Variants in DISC1 observed in about 807,000 individuals in gnomAD.
DISC1 encodes disrupted in schizophrenia 1 protein.
A neutral mutation model predicts 84.5 loss-of-function variants in DISC1; 57 were observed. The ratio of observed to expected loss-of-function variants is 0.67; its 90% CI spans 0.55 to 0.84. The LOEUF is 0.84. DISC1 is among the 40% of genes least tolerant of loss of function. DISC1 has a pLI of 0.00. For missense variants in DISC1, 1,000 were observed against 1,057.8 expected (o/e 0.95, Z 0.76); for synonymous variants, 411 against 415.2 (o/e 0.99, Z 0.12).
At chr1:231,643,166 C>G (rs997354593) in intron 1 of DISC1, among the ~76,000 whole-genome samples, 3 of 152,078 alleles carry the variant, frequency 2.0e-5, no homozygotes, top group African/African-American at 7.2e-5. Flanking sequence ...AGTCAAAGGC[C>G]CTTCAGTGCA....
chr1:231,773,713 A>G (rs902147575), intron 6 of DISC1, among the ~76,000 whole-genome samples: 4 of 152,180 alleles, frequency 2.6e-5, no homozygotes, highest in African/African-American at 7.2e-5. Context: ...AGGCATTTCA[A>G]AAGTTGTGGC....
intron 1 of DISC1, among the ~76,000 whole-genome samples, chr1:231,688,401 G>A (rs7552519): frequency 0.38 from 57,490 of 152,078 alleles, 11,294 homozygotes; most frequent in African/African-American, 0.49. Context: ...CACAAAATGC[G>A]TCTGCATCGG....
intron 3 of DISC1, among the ~76,000 whole-genome samples, chr1:231,704,854 C>T (rs540788112): frequency 4.0e-4 from 60 of 150,376 alleles, no homozygotes; most frequent in African/African-American, 1.4e-3. Flanking sequence ...CCAAATGATG[C>T]GCATACTGCG....
chr1:231,673,220 C>T (rs1204814363), intron 1 of DISC1, among the ~76,000 whole-genome samples: 2 of 152,216 alleles, frequency 1.3e-5, no homozygotes, highest in Non-Finnish European at 2.9e-5. Flanking sequence ...TTTATTACTT[C>T]CTCCAACATA....
intron 9 of DISC1, among the ~76,000 whole-genome samples, chr1:231,902,230 T>C (rs926859263): frequency 6.6e-6 from 1 of 152,100 alleles, no homozygotes; most frequent in African/African-American, 2.4e-5. Context: ...TAGTGGGTGA[T>C]AGCATAGGTT....
rs907701351 is a variant in DISC1 at position 232,009,323 on chromosome 1, T to C, written c.2307+274T>C. 1.3e-4 allele frequency: 161 copies of C among 1,203,168 alleles called. 2 individuals are homozygous for C. The South Asian group carries it at 2.2e-3, about 17-fold the overall frequency. The allele number at this position is 1,203,168 out of a possible 1,614,324, so 74.5% of individuals were successfully genotyped here. Reference sequence around the variant, plus strand: ...TAGAATTAGAATATGCAGTCTAATATAGAATTACCATATATAGCATACATT... The same window carrying C: ...TAGAATTAGAATATGCAGTCTAATACAGAATTACCATATATAGCATACATT... On this transcript the variant is annotated intron_variant, in intron 11 of 12. Transcript: ENST00000439617. The surrounding 1 kb of genome is among the most constrained non-coding windows in gnomAD (Gnocchi z 4.6).
intron 9 of DISC1, among the ~76,000 whole-genome samples, chr1:231,824,715 A>C (rs2125790359): frequency 6.6e-6 from 1 of 152,324 alleles, no homozygotes; most frequent in South Asian, 2.1e-4. Flanking sequence ...GTTTAATCTC[A>C]GTCCTGCCCT....
chr1:231,765,344 G>T (rs1421837088), intron 4 of DISC1, among the ~76,000 whole-genome samples: 2 of 152,120 alleles, frequency 1.3e-5, no homozygotes, highest in Non-Finnish European at 2.9e-5. Context: ...CTCCCAGGTA[G>T]CTGGAACTAC....
chr1:231,999,273 C>T (rs938204203), intron 10 of DISC1, among the ~76,000 whole-genome samples: 44 of 152,258 alleles, frequency 2.9e-4, no homozygotes, highest in African/African-American at 1.0e-3. Flanking sequence ...CTCTGAAAGA[C>T]CGTGAGAGGA....
At position 232,031,289 on chromosome 1, in the gene DISC1, GAGGA is replaced by G. The variant is rs1490910003; in HGVS notation, c.2425+4750_2425+4753del. 4.3e-5 allele frequency among the ~76,000 whole-genome samples: 6 copies of G among 140,686 alleles called. No individual in the cohort carries two copies. The highest frequency in any genetic ancestry group is 4.1e-4 in the East Asian group (2 of 4,928). 92.3% of individuals were successfully genotyped at this position (140,686 alleles called of 152,430 possible). ...GATAAAGAAAGAAAAAGAAAGAAAA[GAGGA>G]AGGAAGGAAGGAGAGAGGGAAGGAG... is the stretch of plus-strand genomic sequence containing the variant. On this transcript the variant is annotated intron_variant, in intron 12 of 12. Coordinates refer to ENST00000439617, the MANE Select transcript of DISC1 (RefSeq NM_018662.3). The surrounding 1 kb of genome is among the most constrained non-coding windows in gnomAD (Gnocchi z 4.6).
In DISC1 at chr1:231,826,228, GCCACCAT is replaced by G. The variant is rs2081855088; in HGVS notation, c.1981+7713_1981+7719del. Among the ~76,000 whole-genome samples the G allele has an allele frequency of 6.6e-6, 1 of 152,178 alleles. No individual in the cohort carries two copies. Among genetic ancestry groups the G allele is most frequent in the Non-Finnish European group, 1.5e-5 (1 of 68,044 alleles). Reference sequence around the variant, plus strand: ...TGTCACAGAGCCTTCAGGGGGCAAGGCCACCATCTGAATCCCTCTTACCTGCCATTTT... The same window carrying G: ...TGTCACAGAGCCTTCAGGGGGCAAGGCTGAATCCCTCTTACCTGCCATTTT... On this transcript the variant is annotated intron_variant, in intron 9 of 12. Coordinates refer to ENST00000439617, the MANE Select transcript of DISC1 (RefSeq NM_018662.3). The surrounding 1 kb of genome is among the most constrained non-coding windows in gnomAD (Gnocchi z 4.2).
At chr1:231,779,142 T>C (rs2077183494) in intron 6 of DISC1, among the ~76,000 whole-genome samples, 1 of 152,166 alleles carries the variant, frequency 6.6e-6, no homozygotes, top group Admixed American at 6.5e-5. Flanking sequence ...GTTTTCTTTT[T>C]CTCTAGCGGC....
At position 231,883,813 on chromosome 1, in the gene DISC1, G is replaced by A. The variant is rs936166412; in HGVS notation, c.1981+65296G>A. Among the ~76,000 whole-genome samples the A allele has an allele frequency of 3.3e-5, 5 of 152,152 alleles. 1 individual carries two copies. Among genetic ancestry groups the A allele is most frequent in the East Asian group, 3.9e-4 (2 of 5,186 alleles). ...GATAGAGGAAAAGGATCAGGTGCAG[G>A]AGAAACATGATGCGTTCAGGGTTAG... is the stretch of plus-strand genomic sequence containing the variant. On this transcript the variant is annotated intron_variant, in intron 9 of 12. Transcript: ENST00000439617.
chr1:231,911,543 A>C (rs938755518), intron 9 of DISC1, among the ~76,000 whole-genome samples: 2 of 152,162 alleles, frequency 1.3e-5, no homozygotes, highest in Non-Finnish European at 2.9e-5. Context: ...CGAACGATCC[A>C]CTGTTAGTCT....
At chr1:231,952,213 A>G (rs1440285300) in intron 9 of DISC1, among the ~76,000 whole-genome samples, 1 of 152,126 alleles carries the variant, frequency 6.6e-6, no homozygotes, top group East Asian at 1.9e-4. Flanking sequence ...CCACTTATTA[A>G]ATCAGTAGGA....
intron 7 of DISC1, among the ~76,000 whole-genome samples, chr1:231,799,466 A>G (rs2079014007): frequency 6.6e-6 from 1 of 152,088 alleles, no homozygotes. Context: ...AAACAAAGGA[A>G]TAGAATTACA....
intron 3 of DISC1, among the ~76,000 whole-genome samples, chr1:231,721,390 G>T (rs2069671841): frequency 6.6e-6 from 1 of 152,156 alleles, no homozygotes; most frequent in South Asian, 2.1e-4. Flanking sequence ...AAAATCCTTA[G>T]TACCACAGTT....
chr1:231,673,905 G>A (rs1018150833), intron 1 of DISC1, among the ~76,000 whole-genome samples: 5 of 152,176 alleles, frequency 3.3e-5, no homozygotes, highest in African/African-American at 7.2e-5. Context: ...GACTCCTTAC[G>A]AGTTTAGTCC....
intron 3 of DISC1, among the ~76,000 whole-genome samples, chr1:231,716,008 A>G (rs1243999201): frequency 1.3e-5 from 2 of 152,168 alleles, no homozygotes; most frequent in African/African-American, 2.4e-5. Context: ...TAAACTAGGC[A>G]TAATAATACC....
Sources: gnomAD v4.1 joint callset for allele counts (sites outside exome capture counted in the v4.1 genomes callset) on GRCh38, gnomAD v4.1.1 for gene constraint, Gnocchi (gnomAD v3.1) non-coding constraint, MANE v1.5 for transcripts, NCBI Gene and HGNC (gene_info 2026-07-23, HGNC 2026-07-21) for gene names.